The following NIM1K variants were observed in gnomAD, a reference collection of about 807,000 sequenced individuals.
NIM1K encodes NIM1 serine/threonine protein kinase, also known as serine/threonine-protein kinase NIM1.
Under a neutral mutation model 37.1 loss-of-function variants are expected in NIM1K, and 35 were observed. The observed-to-expected ratio is 0.94, with a 90% CI of 0.72 to 1.25. The LOEUF (loss-of-function observed/expected upper bound fraction) is 1.25, where lower values mean the gene tolerates loss of function less well. Among genes scored for constraint, NIM1K ranks in the 50% most tolerant of loss-of-function variants. The pLI is 0.00. For synonymous variants in NIM1K, 234 were observed against 206.6 expected, an observed-to-expected ratio of 1.13 and a Z score of -1.14; for missense variants, 564 against 548.0, an observed-to-expected ratio of 1.03 and a Z score of -0.29.
intron 1 of NIM1K, chr5:43,207,233 A>G: frequency 1.3e-6 from 1 of 755,828 alleles, no homozygotes; most frequent in Non-Finnish European, 2.5e-6. Context: ...CTGGGACATC[A>G]TGGGAAGTGG....
chr5:43,260,595 G>T (rs58293567), intron 2 of NIM1K, among the ~76,000 whole-genome samples: 34,077 of 151,524 alleles, frequency 0.22, 4,142 homozygotes, highest in African/African-American at 0.31. Context: ...TATATATAGA[G>T]AGAGAGAGAG....
chr5:43,239,296 G>T (rs953177467), intron 1 of NIM1K, among the ~76,000 whole-genome samples: 3 of 151,926 alleles, frequency 2.0e-5, no homozygotes, highest in Non-Finnish European at 2.9e-5. Context: ...GAGTGCAATG[G>T]CACAATCTTG....
At chr5:43,270,788 A>G (rs1256679365) in intron 2 of NIM1K, among the ~76,000 whole-genome samples, 1 of 152,154 alleles carries the variant, frequency 6.6e-6, no homozygotes, top group African/African-American at 2.4e-5. Flanking sequence ...CCTGGGAGAG[A>G]GACAGGGGAA....
Position 43,245,935 on chromosome 5 carries a change from G to A in NIM1K, c.160G>A (p.Asp54Asn), listed in dbSNP as rs1295384357. Residue 54 changes from aspartate (D) to asparagine (N), a missense_variant, in exon 2 of 4, where the codon GAC becomes AAC. Coordinates refer to ENST00000326035, the MANE Select transcript of NIM1K (RefSeq NM_153361.4). ...QLTPFEKLTQ[D>N]MSQDEKVVRE... ...GACGCCCTTCGAGAAACTGACACAG[G>A]ACATGTCCCAGGATGAGAAGGTGGT... The A allele has an allele frequency of 1.9e-6, 3 of 1,614,152 alleles. No individual in the cohort carries two copies. Among genetic ancestry groups the A allele is most frequent in the Non-Finnish European group, 2.5e-6 (3 of 1,180,016 alleles).
At chr5:43,244,521 A>G (rs2112261098) in intron 1 of NIM1K, among the ~76,000 whole-genome samples, 1 of 152,284 alleles carries the variant, frequency 6.6e-6, no homozygotes, top group Admixed American at 6.5e-5. Context: ...CTCCTTTTCC[A>G]CATCTTCAAA....
chr5:43,257,540 C>A (rs766149500), intron 2 of NIM1K, among the ~76,000 whole-genome samples: 1 of 151,296 alleles, frequency 6.6e-6, no homozygotes, highest in Non-Finnish European at 1.5e-5. Flanking sequence ...GCTAAAGAGA[C>A]GGGGGTTTCA....
At chr5:43,257,993 T>C (rs965693059) in intron 2 of NIM1K, among the ~76,000 whole-genome samples, 1 of 152,164 alleles carries the variant, frequency 6.6e-6, no homozygotes. Context: ...AGTATTCATT[T>C]TGATGAATTT....
intron 2 of NIM1K, among the ~76,000 whole-genome samples, chr5:43,268,257 C>T (rs1753199724): frequency 6.6e-6 from 1 of 152,194 alleles, no homozygotes; most frequent in Non-Finnish European, 1.5e-5. Context: ...CAATTCATGG[C>T]ATTGTGGTGA....
intron 2 of NIM1K, among the ~76,000 whole-genome samples, chr5:43,268,208 C>T (rs2112295229): frequency 6.6e-6 from 1 of 152,196 alleles, no homozygotes; most frequent in East Asian, 1.9e-4. Context: ...TAATTGTAAC[C>T]ACCTAACAGG....
chr5:43,229,303 T>A (rs200250739), intron 1 of NIM1K, among the ~76,000 whole-genome samples: 3 of 145,574 alleles, frequency 2.1e-5, no homozygotes, highest in Non-Finnish European at 4.5e-5. Context: ...GAGAATCGCT[T>A]GAACTGGGAG....
chr5:43,266,630 A>G (rs1202091902), intron 2 of NIM1K, among the ~76,000 whole-genome samples: 1 of 152,118 alleles, frequency 6.6e-6, no homozygotes, highest in South Asian at 2.1e-4. Context: ...CCACTGTCCA[A>G]CAAGCCCCAG....
intron 1 of NIM1K, among the ~76,000 whole-genome samples, chr5:43,215,319 A>C (rs1752284103): frequency 6.6e-6 from 1 of 152,170 alleles, no homozygotes; most frequent in African/African-American, 2.4e-5. Context: ...CTGGGGAGGG[A>C]AGTGTGCCTA....
intron 2 of NIM1K, among the ~76,000 whole-genome samples, chr5:43,265,918 C>A (rs1258724310): frequency 2.0e-5 from 3 of 152,226 alleles, no homozygotes; most frequent in African/African-American, 7.2e-5. Flanking sequence ...TGGGTATCAC[C>A]AGCAGAGGCT....
At position 43,280,736 on chromosome 5, in the gene NIM1K, C is replaced by G. The variant is rs1294791091; in HGVS notation, c.*7C>G. On this transcript the variant is annotated 3_prime_UTR_variant, in exon 4 of 4. Transcript: ENST00000326035. ...ATTTTGCTCGATTTTATAAATTGCA[C>G]TAGACTGCTTGTAACTAACCAAGAT... The G allele has an allele frequency of 2.5e-6, 4 of 1,583,940 alleles. No individual in the cohort carries two copies. The South Asian group carries it at 4.7e-5, about 18-fold the overall frequency.
At chr5:43,225,214 T>C (rs1261079305) in intron 1 of NIM1K, among the ~76,000 whole-genome samples, 1 of 133,840 alleles carries the variant, frequency 7.5e-6, no homozygotes, top group Non-Finnish European at 1.5e-5. Flanking sequence ...GATTGCATAT[T>C]GCACCACTAC....
At chr5:43,277,447 C>A (rs1753362960) in intron 3 of NIM1K, 122 bp downstream of exon 3, 2 of 1,032,452 alleles carry the variant, frequency 1.9e-6, no homozygotes, top group South Asian at 1.6e-5. Flanking sequence ...AGACAGTAGT[C>A]CCTTCTGAGA....
intron 2 of NIM1K, among the ~76,000 whole-genome samples, chr5:43,265,129 T>C (rs760029078): frequency 2.0e-5 from 3 of 152,226 alleles, no homozygotes; most frequent in African/African-American, 7.2e-5. Context: ...ATCTTTGTGA[T>C]GTTCTCTGCA....
chr5:43,245,444 T>A lies in NIM1K; in HGVS notation c.-332T>A, dbSNP rs1752761892. The A allele has an allele frequency of 4.8e-6, 1 of 208,384 alleles. No homozygotes were observed. The highest frequency in any genetic ancestry group is 1.8e-4 in the South Asian group (1 of 5,642). 12.9% of individuals were successfully genotyped at this position (208,384 alleles called of 1,614,324 possible). On this transcript the variant is annotated 5_prime_UTR_variant, in exon 2 of 4. Coordinates refer to ENST00000326035, the MANE Select transcript of NIM1K (RefSeq NM_153361.4). ...CTACCACAAAGCATCAGACTCCACG[T>A]CTGGCCAGAAAGTTCCTGGAGTCCC...
intron 2 of NIM1K, among the ~76,000 whole-genome samples, chr5:43,260,387 T>A (rs1319831279): frequency 6.6e-6 from 1 of 152,176 alleles, no homozygotes; most frequent in East Asian, 1.9e-4. Flanking sequence ...TTTTGTTATT[T>A]TGAGTTATGT....
Sources: allele counts gnomAD v4.1 joint callset (sites outside exome capture counted in the v4.1 genomes callset), GRCh38; gene constraint gnomAD v4.1.1; transcripts MANE v1.5; gene names NCBI Gene and HGNC (gene_info 2026-07-23, HGNC 2026-07-21).